EPCAM: variants seen among roughly 807,000 people sequenced by gnomAD.
EPCAM encodes epithelial cell adhesion molecule.
EPCAM carries 39 observed loss-of-function variants against 40.0 expected under a neutral mutation model. The ratio of observed to expected loss-of-function variants is 0.98; its 90% CI spans 0.76 to 1.27. The LOEUF is 1.27. Ranked by LOEUF, EPCAM falls within the 50% of genes most tolerant of loss-of-function variation. The probability of loss-of-function intolerance (pLI) is 0.00; values close to 1 mark genes in which losing one functional copy is unlikely to be tolerated. For missense variants in EPCAM, 503 were observed against 381.2 expected, an observed-to-expected ratio of 1.32 and a Z score of -2.66; for synonymous variants, 168 against 132.3, an observed-to-expected ratio of 1.27 and a Z score of -1.85.
intron 7 of EPCAM, among the ~76,000 whole-genome samples, chr2:47,380,736 T>G (rs1426977807): frequency 6.6e-6 from 1 of 152,222 alleles, no homozygotes; most frequent in African/African-American, 2.4e-5. Flanking sequence ...AAGAATGTAT[T>G]GCTTGAAGAA....
chr2:47,386,557 T>G lies in EPCAM; in HGVS notation c.904-15T>G. On this transcript the variant is annotated splice_polypyrimidine_tract_variant and intron_variant, in intron 8 of 8. Coordinates refer to ENST00000263735, the MANE Select transcript of EPCAM (RefSeq NM_002354.3). ...AATTATTTAGAATTTTTTTCTGTGCTTTTTCCTGTTTCAGATAAAGGAGAT... is the reference window on the plus strand; with the variant it reads ...AATTATTTAGAATTTTTTTCTGTGCGTTTTCCTGTTTCAGATAAAGGAGAT... 6.3e-7 allele frequency: 1 copy of G among 1,590,698 alleles called. No homozygotes were observed. Among genetic ancestry groups the G allele is most frequent in the Non-Finnish European group, 8.6e-7 (1 of 1,163,338 alleles).
chr2:47,375,336 T>C, intron 4 of EPCAM, 37 bp downstream of exon 4: 1 of 1,359,682 alleles, frequency 7.4e-7, no homozygotes, highest in Non-Finnish European at 1.1e-6. Context: ...CTTGCACAGT[T>C]GGTGGCTCAA....
At chr2:47,382,484 C>T (rs150119648) in intron 7 of EPCAM, among the ~76,000 whole-genome samples, 19 of 151,994 alleles carry the variant, frequency 1.3e-4, no homozygotes, top group South Asian at 1.2e-3. Flanking sequence ...GCTGGGAGTC[C>T]GAGACCAGCC....
rs1671708620 is a variant in EPCAM at position 47,385,104 on chromosome 2, T to G, written c.859-62T>G. 7 of 1,223,898 alleles carry G rather than the reference T, an allele frequency of 5.7e-6. No individual in the cohort carries two copies. The Admixed American group carries it at 1.2e-4, about 21-fold the overall frequency. The allele number at this position is 1,223,898 out of a possible 1,614,324, so 75.8% of individuals were successfully genotyped here. A position where few individuals can be genotyped will look rare whatever the true frequency, so the allele number is the denominator to read the frequency against. On this transcript the variant is annotated intron_variant, in intron 7 of 8. Coordinates refer to ENST00000263735, the MANE Select transcript of EPCAM (RefSeq NM_002354.3). ...TATGTCCATTAAAAGCATATATGTCTGTTTAGATAATCTTTTTTTGAATAG... is the reference window on the plus strand; with the variant it reads ...TATGTCCATTAAAAGCATATATGTCGGTTTAGATAATCTTTTTTTGAATAG...
At chr2:47,385,038 T>C (rs1671704601) in intron 7 of EPCAM, 128 bp from the exon 8 acceptor site, 1 of 767,760 alleles carries the variant, frequency 1.3e-6, no homozygotes, top group Non-Finnish European at 2.3e-6. Context: ...AATAAATGTT[T>C]ATGGATAGAT....
intron 6 of EPCAM, among the ~76,000 whole-genome samples, chr2:47,379,334 G>C (rs1671514159): frequency 6.6e-6 from 1 of 152,018 alleles, no homozygotes; most frequent in Non-Finnish European, 1.5e-5. Flanking sequence ...GCTCCCCTAT[G>C]ATATTTATAA....
At chr2:47,379,562 C>T (rs1671522822) in intron 6 of EPCAM, among the ~76,000 whole-genome samples, 1 of 152,152 alleles carries the variant, frequency 6.6e-6, no homozygotes, top group African/African-American at 2.4e-5. Context: ...ACATGGGCAT[C>T]ATTGCACTAC....
Position 47,386,813 on chromosome 2 carries a change from CTT to C in EPCAM, c.*201_*202del, listed in dbSNP as rs1002273318. ...AATCTTGAAATTTGACCACAAGTGT[CTT>C]ATATATGCAGATCTAATGTAAAATC... On this transcript the variant is annotated 3_prime_UTR_variant, in exon 9 of 9. Coordinates refer to ENST00000263735, the MANE Select transcript of EPCAM (RefSeq NM_002354.3). The C allele has an allele frequency of 1.8e-5, 8 of 453,534 alleles. No individual in the cohort carries two copies. The highest frequency in any genetic ancestry group is 1.6e-4 in the African/African-American group (8 of 51,152). The allele number at this position is 453,534 out of a possible 1,614,324, so 28.1% of individuals were successfully genotyped here.
chr2:47,378,373 C>T (rs1005997960), intron 5 of EPCAM, among the ~76,000 whole-genome samples: 3 of 147,362 alleles, frequency 2.0e-5, no homozygotes, highest in African/African-American at 7.6e-5. Context: ...GCCATCTCGG[C>T]TCACCACGAC....
chr2:47,383,424 C>G (rs367848645), intron 7 of EPCAM: 6 of 149,942 alleles, frequency 4.0e-5, no homozygotes, highest in African/African-American at 1.5e-4. Flanking sequence ...CTGCCTCACC[C>G]TCCCGAGTAG....
intron 3 of EPCAM, among the ~76,000 whole-genome samples, chr2:47,374,407 T>A (rs1671368502): frequency 6.6e-6 from 1 of 152,214 alleles, no homozygotes; most frequent in Non-Finnish European, 1.5e-5. Flanking sequence ...ACCTATGTAT[T>A]TGCTTATTGA....
chr2:47,385,222 A>T lies in EPCAM; in HGVS notation c.903+12A>T, dbSNP rs372357827. 1 of 1,607,666 alleles carries T rather than the reference A, an allele frequency of 6.2e-7. No homozygotes were observed. The highest frequency in any genetic ancestry group is 1.3e-5 in the African/African-American group (1 of 74,818). On this transcript the variant is annotated intron_variant, in intron 8 of 8. Transcript: ENST00000263735. ...ATGAGAAGGCTGAGGTAAATGGATT[A>T]CTTACCTAAATAGAAAGGCCCTGTT...
At chr2:47,384,776 C>T (rs1347486299) in intron 7 of EPCAM, among the ~76,000 whole-genome samples, 3 of 151,874 alleles carry the variant, frequency 2.0e-5, no homozygotes, top group Non-Finnish European at 2.9e-5. Context: ...ATGCCATCTC[C>T]ACTCACTGCA....
chr2:47,375,254 AAC>A lies in EPCAM; in HGVS notation c.450_451del (p.His150GlnfsTer8), dbSNP rs865927026. 6.2e-7 allele frequency: 1 copy of A among 1,611,754 alleles called. No homozygotes were observed. Among genetic ancestry groups the A allele is most frequent in the African/African-American group, 1.3e-5 (1 of 74,868 alleles). ...TATAGCTGGATCATCATTGAACTAA[AAC>A]ACAAAGCAAGAGAAAAACCTTATGA... On this transcript the variant is annotated frameshift_variant, in exon 4 of 9. Transcript: ENST00000263735. LOFTEE classifies it high-confidence loss of function.
At chr2:47,382,949 G>A (rs1558440051) in intron 7 of EPCAM, among the ~76,000 whole-genome samples, 1 of 151,830 alleles carries the variant, frequency 6.6e-6, no homozygotes, top group South Asian at 2.1e-4. Flanking sequence ...TATTAGTGTG[G>A]AAAAGGAGGA....
At chr2:47,377,607 G>T in intron 5 of EPCAM, 1 of 265,748 alleles carries the variant, frequency 3.8e-6, no homozygotes, top group Admixed American at 5.2e-5. Flanking sequence ...TAAAGAAAAC[G>T]TAGTATCTCT....
At chr2:47,376,286 C>T (rs866776866) in intron 4 of EPCAM, among the ~76,000 whole-genome samples, 39 of 91,716 alleles carry the variant, frequency 4.3e-4, no homozygotes, top group Middle Eastern at 7.5e-3. Context: ...TTGGAGTTTT[C>T]CCTTTTGTTG....
At chr2:47,371,099 C>A (rs964231855) in intron 1 of EPCAM, among the ~76,000 whole-genome samples, 1 of 152,200 alleles carries the variant, frequency 6.6e-6, no homozygotes, top group Non-Finnish European at 1.5e-5. Context: ...TCCGTCTGGG[C>A]CTCCCAGAGT....
rs373746049 is a variant in EPCAM, at chr2:47,369,727, C to G, written c.76+146C>G. On this transcript the variant is annotated intron_variant, in intron 1 of 8. Coordinates refer to ENST00000263735, the MANE Select transcript of EPCAM (RefSeq NM_002354.3). ...GTGGAGACCGGACGGTGCGGCCGTG[C>G]TCCGGCTCAGGCCCTCCGCGCGGTA... 263 of 893,166 alleles carry G rather than the reference C, an allele frequency of 2.9e-4. No homozygotes were observed. The African/African-American group carries it at 3.7e-3, about 13-fold the overall frequency. The allele number at this position is 893,166 out of a possible 1,614,324, so 55.3% of individuals were successfully genotyped here.
Sources: gnomAD v4.1 joint callset for allele counts (sites outside exome capture counted in the v4.1 genomes callset) on GRCh38, gnomAD v4.1.1 for gene constraint, MANE v1.5 for transcripts, NCBI Gene and HGNC (gene_info 2026-07-23, HGNC 2026-07-21) for gene names.